Variants in PADI3 observed in about 807,000 individuals in gnomAD.
PADI3 encodes the protein protein-arginine deiminase type-3.
In PADI3, 53 loss-of-function variants were observed where a neutral mutation model predicts 71.5. The ratio of observed to expected loss-of-function variants is 0.74; its 90% CI spans 0.59 to 0.93. PADI3 has a LOEUF of 0.93. Ranked by LOEUF, PADI3 falls within the 40% of genes least tolerant of loss-of-function variation. The pLI, the probability that PADI3 is intolerant of heterozygous loss-of-function variation, is 0.00. For synonymous variants in PADI3, 361 were observed against 347.5 expected, an observed-to-expected ratio of 1.04 and a Z score of -0.43; for missense variants, 821 against 868.0, an observed-to-expected ratio of 0.95 and a Z score of 0.68.
At chr1:17,259,437 G>A (rs550768907) in intron 1 of PADI3, 141 bp from the exon 2 acceptor site, 41 of 663,780 alleles carry the variant, frequency 6.2e-5, no homozygotes, top group African/African-American at 4.5e-4. Context: ...GGCTTGACTC[G>A]CAGGAGCTTA....
intron 10 of PADI3, among the ~76,000 whole-genome samples, chr1:17,274,343 C>G (rs113746906): frequency 2.6e-5 from 4 of 152,350 alleles, no homozygotes; most frequent in African/African-American, 7.2e-5. Context: ...TGGCCATGGC[C>G]TCAGGCTCCA....
Position 17,260,265 on chromosome 1 carries a change from G to A in PADI3, c.273+507G>A, listed in dbSNP as rs373082658. Among the ~76,000 whole-genome samples, 16 of 152,280 alleles carry A rather than the reference G, an allele frequency of 1.1e-4. No individual in the cohort carries two copies. The South Asian group carries it at 2.7e-3, about 26-fold the overall frequency. On this transcript the variant is annotated intron_variant, in intron 2 of 15. Transcript: ENST00000375460. ...ATTTCCCCAAGGCGCTTTGCTGTCC[G>A]TAATCCACTCTCTTCCTGACCCTAT...
intron 1 of PADI3, among the ~76,000 whole-genome samples, chr1:17,253,645 T>C (rs1557496324): frequency 6.6e-6 from 1 of 152,090 alleles, no homozygotes; most frequent in Non-Finnish European, 1.5e-5. Flanking sequence ...CTGATTCAAC[T>C]CATCTGTGAA....
chr1:17,264,744 C>T (rs1229708258), intron 3 of PADI3, among the ~76,000 whole-genome samples: 1 of 152,174 alleles, frequency 6.6e-6, no homozygotes, highest in African/African-American at 2.4e-5. Flanking sequence ...CGCGTGGTGG[C>T]TCATGCTTGT....
intron 3 of PADI3, among the ~76,000 whole-genome samples, chr1:17,262,878 A>G (rs1465327184): frequency 2.6e-5 from 4 of 152,196 alleles, no homozygotes; most frequent in Non-Finnish European, 5.9e-5. Flanking sequence ...TCTAAATTCA[A>G]TGAAATTCCT....
intron 9 of PADI3, among the ~76,000 whole-genome samples, chr1:17,272,020 A>G (rs1569907341): frequency 2.0e-5 from 3 of 152,178 alleles, no homozygotes; most frequent in Non-Finnish European, 4.4e-5. Flanking sequence ...ATGAGGGCAC[A>G]TGACTTCTGC....
chr1:17,268,375 C>T (rs144819262), intron 6 of PADI3, among the ~76,000 whole-genome samples: 8 of 152,124 alleles, frequency 5.3e-5, no homozygotes, highest in African/African-American at 1.9e-4. Flanking sequence ...CCAATTAATT[C>T]AGTTTGTATT....
chr1:17,257,760 G>A (rs1392263581), intron 1 of PADI3, among the ~76,000 whole-genome samples: 2 of 152,184 alleles, frequency 1.3e-5, no homozygotes, highest in African/African-American at 2.4e-5. Flanking sequence ...GATGGGAAGC[G>A]GGGGGAGTGG....
rs764805385 is a variant in PADI3, at chr1:17,276,804, G to T, written c.1483G>T (p.Ala495Ser). The change falls in exon 13 of 16, where the codon GCC becomes TCC. Residue 495 changes from alanine (A) to serine (S), a missense_variant. Coordinates refer to ENST00000375460, the MANE Select transcript of PADI3 (RefSeq NM_016233.2). ...GFRMLLASPG[A>S]CFKLFQEKQK... Reference sequence around the variant, plus strand: ...CCGGATGCTCCTGGCCAGCCCTGGGGCCTGCTTCAAGCTCTTCCAGGAAAA... The same window carrying T: ...CCGGATGCTCCTGGCCAGCCCTGGGTCCTGCTTCAAGCTCTTCCAGGAAAA... 6.2e-7 allele frequency: 1 copy of T among 1,613,758 alleles called. No individual in the cohort carries two copies. The highest frequency in any genetic ancestry group is 2.2e-5 in the East Asian group (1 of 44,874).
rs201457466 is a variant in PADI3, at chr1:17,259,623, T to C, written c.138T>C (p.Pro46=). The C allele has an allele frequency of 1.2e-5, 20 of 1,613,052 alleles. No individual in the cohort carries two copies. The highest frequency in any genetic ancestry group is 1.7e-5 in the Non-Finnish European group (20 of 1,179,396). Residue 46 remains proline (P), a synonymous_variant, in exon 2 of 16, where the codon CCT becomes CCC. Transcript: ENST00000375460. ...GTEMFEVYGT[P]GVDIYISPNM... Reference sequence around the variant, plus strand: ...AAATGTTTGAGGTCTATGGGACGCCTGGCGTGGACATCTACATCTCTCCCA... The same window carrying C: ...AAATGTTTGAGGTCTATGGGACGCCCGGCGTGGACATCTACATCTCTCCCA...
rs145276833 is a variant in PADI3 at position 17,270,243 on chromosome 1, T to G, written c.663T>G (p.Asp221Glu). 5.7e-4 allele frequency: 923 copies of G among 1,610,262 alleles called. 14 individuals are homozygous for G. The Admixed American group carries it at 0.014, about 24-fold the overall frequency. ...AQVFHICGPE[D>E]VCEAYRHVLG... is the part of the protein sequence containing the mutation. ...TCCCTCCCCTTCCAGGTCCTGAGGA[T>G]GTGTGTGAGGCCTATAGGCATGTGC... is the stretch of plus-strand genomic sequence containing the variant. The change falls in exon 7 of 16, where the codon GAT (aspartate) becomes GAG (glutamate). Residue 221 changes from aspartate (D) to glutamate (E), a missense_variant. Transcript: ENST00000375460.
At chr1:17,253,572 A>AGTGT (rs1277976375) in intron 1 of PADI3, among the ~76,000 whole-genome samples, 1 of 152,260 alleles carries the variant, frequency 6.6e-6, no homozygotes, top group African/African-American at 2.4e-5. Flanking sequence ...CAACCCTGGA[A>AGTGT]GTGTGTTTCA....
At chr1:17,271,674 C>T (rs1436896895) in intron 9 of PADI3, among the ~76,000 whole-genome samples, 4 of 151,694 alleles carry the variant, frequency 2.6e-5, no homozygotes, top group Admixed American at 2.6e-4. Flanking sequence ...TGGTGAAACC[C>T]TGTCTCTGCA....
intron 1 of PADI3, among the ~76,000 whole-genome samples, chr1:17,251,591 T>C (rs576824654): frequency 6.6e-6 from 1 of 152,166 alleles, no homozygotes; most frequent in East Asian, 1.9e-4. Flanking sequence ...ATTTTATAGA[T>C]AAGAAAACAA....
At position 17,267,905 on chromosome 1, in the gene PADI3, C is replaced by G; in HGVS notation, c.595C>G (p.Leu199Val). 6.2e-7 allele frequency: 1 copy of G among 1,614,224 alleles called. No homozygotes were observed. Among genetic ancestry groups the G allele is most frequent in the East Asian group, 2.2e-5 (1 of 44,884 alleles). Residue 199 changes from leucine to valine, a missense_variant, in exon 6 of 16, where the codon CTT becomes GTT. Physicochemically the swap from Leu to Val is conservative, Grantham distance 32. Coordinates refer to ENST00000375460, the MANE Select transcript of PADI3 (RefSeq NM_016233.2). Reference protein sequence around the residue: ...GPAALFDDHKLVLHTSSYDAK... With the variant: ...GPAALFDDHKVVLHTSSYDAK... ...TGCAGCCCTCTTTGATGACCACAAA[C>G]TTGTCCTCCATACCTCCAGCTATGA...
In PADI3 at chr1:17,276,651, C is replaced by T; in HGVS notation, c.1440C>T (p.Ala480=). 1 of 1,614,074 alleles carries T rather than the reference C, an allele frequency of 6.2e-7. No individual in the cohort carries two copies. Among genetic ancestry groups the T allele is most frequent in the African/African-American group, 1.3e-5 (1 of 75,042 alleles). Residue 480 remains alanine (A), a synonymous_variant, in exon 12 of 16, where the codon GCC becomes GCT. Coordinates refer to ENST00000375460, the MANE Select transcript of PADI3 (RefSeq NM_016233.2). The part of the protein sequence containing the change: ...HVDEFLSFVP[A]PDGKGFRMLL... ...ATGAGTTTCTGAGCTTTGTCCCTGC[C>T]CCCGATGGGAAGGTAAGAACTTCGT...
intron 3 of PADI3, among the ~76,000 whole-genome samples, chr1:17,262,438 G>A (rs79620403): frequency 0.021 from 3,154 of 152,284 alleles, 111 homozygotes; most frequent in African/African-American, 0.07. Flanking sequence ...ACATGGAACT[G>A]GACCTTGCTT....
intron 1 of PADI3, among the ~76,000 whole-genome samples, chr1:17,252,400 CTTTT>C (rs55649122): frequency 2.5e-5 from 3 of 118,992 alleles, no homozygotes; most frequent in Non-Finnish European, 1.7e-5. Flanking sequence ...TTTTCTTCTT[CTTTT>C]TTTTTTTTTT....
chr1:17,271,179 G>GT lies in PADI3; in HGVS notation c.1047+2dup, dbSNP rs2073245616. 6.2e-7 allele frequency: 1 copy of GT among 1,611,770 alleles called. No individual in the cohort carries two copies. Among genetic ancestry groups the GT allele is most frequent in the Non-Finnish European group, 8.5e-7 (1 of 1,179,454 alleles). ...GAACCGCAACGACCGCTGGATCCAG[G>GT]TAACCACAGCCACTGGGCAGGGCCC... On this transcript the variant is annotated splice_donor_variant, in intron 9 of 15. Coordinates refer to ENST00000375460, the MANE Select transcript of PADI3 (RefSeq NM_016233.2). LOFTEE classifies it high-confidence loss of function.
Sources: allele counts gnomAD v4.1 joint callset (sites outside exome capture counted in the v4.1 genomes callset), GRCh38; gene constraint gnomAD v4.1.1; transcripts MANE v1.5; gene names NCBI Gene and HGNC (gene_info 2026-07-23, HGNC 2026-07-21).